DGKI: variants seen among roughly 807,000 people sequenced by gnomAD.
DGKI encodes the protein diacylglycerol kinase iota.
Under a neutral mutation model 147.5 loss-of-function variants are expected in DGKI, and 55 were observed. The observed-to-expected ratio is 0.37, with a 90% CI of 0.30 to 0.47. DGKI has a LOEUF of 0.47. Among genes scored for constraint, DGKI ranks in the 20% least tolerant of loss-of-function variants. DGKI has a pLI of 1.00. For synonymous variants in DGKI, 469 were observed against 477.1 expected, an observed-to-expected ratio of 0.98 and a Z score of 0.22; for missense variants, 1,007 against 1,323.8, an observed-to-expected ratio of 0.76 and a Z score of 3.71.
chr7:137,729,882 G>T (rs1232533497), intron 1 of DGKI, among the ~76,000 whole-genome samples: 1 of 152,048 alleles, frequency 6.6e-6, no homozygotes. Context: ...AAAATCAGGG[G>T]TGGAAAAGAG....
chr7:137,616,993 G>A (rs1168361485), intron 8 of DGKI, among the ~76,000 whole-genome samples: 1 of 151,748 alleles, frequency 6.6e-6, no homozygotes, highest in Non-Finnish European at 1.5e-5. Flanking sequence ...ACAAGCTGAT[G>A]GTGAACTTTA....
intron 15 of DGKI, among the ~76,000 whole-genome samples, chr7:137,581,277 T>G (rs993334244): frequency 6.6e-6 from 1 of 152,132 alleles, no homozygotes; most frequent in Admixed American, 6.6e-5. Flanking sequence ...TATCATCCAG[T>G]GGGGATCCCT....
intron 27 of DGKI, among the ~76,000 whole-genome samples, chr7:137,452,248 G>A (rs1035427188): frequency 6.6e-6 from 1 of 152,204 alleles, no homozygotes; most frequent in African/African-American, 2.4e-5. Context: ...AGGCACAAGA[G>A]CATAGATTCA....
intron 1 of DGKI, among the ~76,000 whole-genome samples, chr7:137,815,498 A>C (rs2090490612): frequency 6.6e-6 from 1 of 152,242 alleles, no homozygotes; most frequent in African/African-American, 2.4e-5. Context: ...TGGGTTACAA[A>C]CAAATTTTCT....
At chr7:137,491,085 G>C (rs756309212) in intron 21 of DGKI, among the ~76,000 whole-genome samples, 9 of 152,154 alleles carry the variant, frequency 5.9e-5, no homozygotes, top group Non-Finnish European at 8.8e-5. Context: ...CCCTTAGAGA[G>C]TCAAATCCTA....
At chr7:137,400,222 C>T (rs1811702657) in intron 30 of DGKI, among the ~76,000 whole-genome samples, 2 of 152,224 alleles carry the variant, frequency 1.3e-5, no homozygotes, top group Admixed American at 6.5e-5. Context: ...GGCTTAAGTA[C>T]CCAATGGTCC....
At chr7:137,406,929 G>GAAAAAAA (rs74282866) in intron 30 of DGKI, among the ~76,000 whole-genome samples, 1 of 4,636 alleles carries the variant, frequency 2.2e-4, no homozygotes, top group Non-Finnish European at 4.6e-4. Flanking sequence ...TTGCTGAATT[G>GAAAAAAA]CAAAAAAAAA....
intron 20 of DGKI, among the ~76,000 whole-genome samples, chr7:137,544,362 T>C (rs919747861): frequency 6.6e-6 from 1 of 152,158 alleles, no homozygotes; most frequent in African/African-American, 2.4e-5. Context: ...AATATAGAAT[T>C]TTACTCCAGC....
chr7:137,548,191 A>C (rs1482731843), intron 20 of DGKI, among the ~76,000 whole-genome samples: 1 of 152,256 alleles, frequency 6.6e-6, no homozygotes, highest in East Asian at 1.9e-4. Context: ...AGCTCACGTG[A>C]CTTTTGAACT....
intron 23 of DGKI, among the ~76,000 whole-genome samples, chr7:137,472,319 ATTAT>A (rs1414957294): frequency 0.056 from 339 of 6,062 alleles, 103 homozygotes; most frequent in South Asian, 0.097. Flanking sequence ...TATACATATA[ATTAT>A]TATATGTATA....
chr7:137,543,339 G>A (rs966274731), intron 20 of DGKI, among the ~76,000 whole-genome samples: 1 of 152,156 alleles, frequency 6.6e-6, no homozygotes, highest in African/African-American at 2.4e-5. Flanking sequence ...GATGAGACCA[G>A]TAAATACCAT....
chr7:137,605,086 T>G (rs1315709666), intron 10 of DGKI, among the ~76,000 whole-genome samples: 2 of 152,040 alleles, frequency 1.3e-5, no homozygotes, highest in East Asian at 3.9e-4. Context: ...GGCGGGCAGA[T>G]CACCTGAGGT....
At chr7:137,538,283 CGAAAATATTT>C (rs1817582995) in intron 20 of DGKI, among the ~76,000 whole-genome samples, 3 of 152,228 alleles carry the variant, frequency 2.0e-5, no homozygotes, top group African/African-American at 7.2e-5. Flanking sequence ...TTTAATATAT[CGAAAATATTT>C]CCCTTGCTTT....
intron 1 of DGKI, among the ~76,000 whole-genome samples, chr7:137,718,462 C>G (rs1314186004): frequency 6.6e-6 from 1 of 152,100 alleles, no homozygotes; most frequent in Non-Finnish European, 1.5e-5. Context: ...GAAAGAGGCA[C>G]TATTACAAAA....
chr7:137,607,235 C>T (rs1432460062), intron 10 of DGKI, among the ~76,000 whole-genome samples: 1 of 152,222 alleles, frequency 6.6e-6, no homozygotes, highest in Non-Finnish European at 1.5e-5. Context: ...CACTGCTTAC[C>T]TCTGAAATAT....
intron 2 of DGKI, among the ~76,000 whole-genome samples, chr7:137,683,469 G>A (rs993571107): frequency 6.6e-6 from 1 of 152,024 alleles, no homozygotes; most frequent in Admixed American, 6.6e-5. Context: ...TCAAACTGCT[G>A]GATTCAAGCA....
At chr7:137,638,648 G>GTATGTATATATGTACA (rs1563126101) in intron 6 of DGKI, among the ~76,000 whole-genome samples, 1 of 3,840 alleles carries the variant, frequency 2.6e-4, no homozygotes, top group African/African-American at 5.3e-4. Context: ...ATATGTGTAT[G>GTATGTATATATGTACA]TATATACACA....
rs184909426 is a variant in DGKI, at chr7:137,830,369, C to A, written c.401+16093G>T. On this transcript the variant is annotated intron_variant, in intron 1 of 32. Coordinates refer to ENST00000614521, the MANE Select transcript of DGKI (RefSeq NM_001321708.2). ...TGGGGACAGAAACCCAGCCTCAGTG[C>A]CCCCCACCACAGGAGAGGTCCTAGC... Among the ~76,000 whole-genome samples, 71 of 152,312 alleles carry A rather than the reference C, an allele frequency of 4.7e-4. No individual in the cohort carries two copies. In the East Asian group the frequency reaches 7.3e-3, roughly 16 times the overall value.
At chr7:137,450,766 A>C (rs1813921444) in intron 27 of DGKI, among the ~76,000 whole-genome samples, 1 of 151,150 alleles carries the variant, frequency 6.6e-6, no homozygotes, top group Non-Finnish European at 1.5e-5. Flanking sequence ...CATATTTTTA[A>C]TTATATACAT....
Sources: gnomAD v4.1 joint callset for allele counts (sites outside exome capture counted in the v4.1 genomes callset) on GRCh38, gnomAD v4.1.1 for gene constraint, MANE v1.5 for transcripts, NCBI Gene and HGNC (gene_info 2026-07-23, HGNC 2026-07-21) for gene names.